UBTD2: variants seen among roughly 807,000 people sequenced by gnomAD.
UBTD2 encodes the protein ubiquitin domain-containing protein 2.
A neutral mutation model predicts 19.8 loss-of-function variants in UBTD2; 9 were observed. That is an observed-to-expected ratio of 0.46 (90% confidence interval 0.27 to 0.79). UBTD2 has a LOEUF of 0.79. UBTD2 is among the 30% of genes least tolerant of loss of function. The probability of loss-of-function intolerance (pLI) is 0.14; values close to 1 mark genes in which losing one functional copy is unlikely to be tolerated. For synonymous variants in UBTD2, 98 were observed against 103.9 expected, an observed-to-expected ratio of 0.94 and a Z score of 0.35; for missense variants, 250 against 300.4, an observed-to-expected ratio of 0.83 and a Z score of 1.24.
At chr5:172,217,224 T>C (rs1051341952) in intron 2 of UBTD2, among the ~76,000 whole-genome samples, 3 of 150,516 alleles carry the variant, frequency 2.0e-5, no homozygotes, top group African/African-American at 7.3e-5. Context: ...TCAGCCTGCC[T>C]AACACAGTGA....
At chr5:172,261,370 A>AC (rs1755267358) in intron 1 of UBTD2, among the ~76,000 whole-genome samples, 1 of 152,182 alleles carries the variant, frequency 6.6e-6, no homozygotes, top group Admixed American at 6.5e-5. Context: ...TAATCTTTCT[A>AC]CAGATTAAAC....
chr5:172,272,940 G>A lies in UBTD2; in HGVS notation c.70+10656C>T, dbSNP rs148746800. Reference sequence around the variant, plus strand: ...CTAAAAATACAAAAATTAGCTGGGCGTAGTCGCACACCTGTAGTCCCAGCT... The same window carrying A: ...CTAAAAATACAAAAATTAGCTGGGCATAGTCGCACACCTGTAGTCCCAGCT... On this transcript the variant is annotated intron_variant, in intron 1 of 2. Transcript: ENST00000393792. 3.4e-3 allele frequency among the ~76,000 whole-genome samples: 513 copies of A among 152,170 alleles called. 2 individuals are homozygous for A. The highest frequency in any genetic ancestry group is 0.011 in the African/African-American group (468 of 41,518).
intron 2 of UBTD2, among the ~76,000 whole-genome samples, chr5:172,224,313 T>C (rs1771718324): frequency 6.6e-6 from 1 of 150,386 alleles, no homozygotes; most frequent in Non-Finnish European, 1.5e-5. Context: ...TTTTTTTTTT[T>C]TTTTGAGACA....
chr5:172,266,837 A>G (rs1755389019), intron 1 of UBTD2, among the ~76,000 whole-genome samples: 1 of 152,164 alleles, frequency 6.6e-6, no homozygotes, highest in African/African-American at 2.4e-5. Context: ...CAGGATTTCA[A>G]GATCAGCCTG....
intron 1 of UBTD2, among the ~76,000 whole-genome samples, chr5:172,245,969 A>G (rs923118876): frequency 2.6e-5 from 4 of 152,242 alleles, no homozygotes; most frequent in Non-Finnish European, 4.4e-5. Context: ...CAAAATGTCC[A>G]GGATGTAATC....
chr5:172,225,940 T>TC (rs1771754489), intron 2 of UBTD2, among the ~76,000 whole-genome samples: 1 of 95,848 alleles, frequency 1.0e-5, no homozygotes. Flanking sequence ...ACTCTTTTTT[T>TC]TTTTTTTTTT....
At chr5:172,220,703 T>C (rs1399422937) in intron 2 of UBTD2, among the ~76,000 whole-genome samples, 2 of 152,138 alleles carry the variant, frequency 1.3e-5, no homozygotes, top group Non-Finnish European at 2.9e-5. Context: ...TCCTACTAAT[T>C]TGGGAACAAG....
intron 2 of UBTD2, among the ~76,000 whole-genome samples, chr5:172,229,560 G>A (rs1016555036): frequency 6.7e-6 from 1 of 149,990 alleles, no homozygotes; most frequent in East Asian, 1.9e-4. Context: ...GCTGGGATAT[G>A]GAAAACATGT....
chr5:172,223,116 T>C (rs1475305778), intron 2 of UBTD2, among the ~76,000 whole-genome samples: 4 of 152,178 alleles, frequency 2.6e-5, no homozygotes, highest in Admixed American at 2.0e-4. Flanking sequence ...AAGAATCATG[T>C]AACTGGAAAC....
chr5:172,228,361 T>G (rs1200203879), intron 2 of UBTD2, among the ~76,000 whole-genome samples: 1 of 152,152 alleles, frequency 6.6e-6, no homozygotes, highest in Non-Finnish European at 1.5e-5. Context: ...GTGCTTCAGT[T>G]TTCTGATCTG....
At chr5:172,255,771 G>T (rs1424339906) in intron 1 of UBTD2, among the ~76,000 whole-genome samples, 2 of 152,140 alleles carry the variant, frequency 1.3e-5, no homozygotes, top group Non-Finnish European at 2.9e-5. Flanking sequence ...GGGAGGGTCA[G>T]GGCTGAATTC....
At chr5:172,254,033 G>A (rs1000569326) in intron 1 of UBTD2, among the ~76,000 whole-genome samples, 2 of 152,110 alleles carry the variant, frequency 1.3e-5, no homozygotes, top group East Asian at 1.9e-4. Flanking sequence ...GATTCAGACC[G>A]GCTGAATCAA....
chr5:172,274,669 GTTTTAGGA>G (rs1479699315), intron 1 of UBTD2, among the ~76,000 whole-genome samples: 1 of 152,160 alleles, frequency 6.6e-6, no homozygotes, highest in Non-Finnish European at 1.5e-5. Context: ...AGTCTACCTT[GTTTTAGGA>G]TATGAGTAAC....
intron 1 of UBTD2, among the ~76,000 whole-genome samples, chr5:172,244,589 C>A (rs1021395899): frequency 6.6e-6 from 1 of 151,928 alleles, no homozygotes; most frequent in Non-Finnish European, 1.5e-5. Context: ...TAAGCCACTG[C>A]GCCCGGCCCC....
intron 1 of UBTD2, among the ~76,000 whole-genome samples, chr5:172,255,669 G>A (rs528578745): frequency 1.7e-3 from 253 of 152,264 alleles, no homozygotes; most frequent in Non-Finnish European, 3.2e-3. Context: ...CTGGCTCCTG[G>A]CACCAACTCC....
At chr5:172,267,656 C>T (rs1755403502) in intron 1 of UBTD2, among the ~76,000 whole-genome samples, 1 of 152,178 alleles carries the variant, frequency 6.6e-6, no homozygotes, top group Non-Finnish European at 1.5e-5. Context: ...TTAAAATCTC[C>T]TACAGAACTT....
At chr5:172,248,246 C>T (rs917933954) in intron 1 of UBTD2, among the ~76,000 whole-genome samples, 3 of 152,078 alleles carry the variant, frequency 2.0e-5, no homozygotes, top group African/African-American at 4.8e-5. Flanking sequence ...AACTTCATGC[C>T]TCAAGGAACC....
intron 1 of UBTD2, among the ~76,000 whole-genome samples, chr5:172,258,248 A>C (rs1755198959): frequency 6.6e-6 from 1 of 152,164 alleles, no homozygotes; most frequent in Non-Finnish European, 1.5e-5. Context: ...CCATTTATTG[A>C]ATAGGGAGTC....
At chr5:172,277,704 A>T (rs1269039011) in intron 1 of UBTD2, among the ~76,000 whole-genome samples, 1 of 151,914 alleles carries the variant, frequency 6.6e-6, no homozygotes, top group East Asian at 1.9e-4. Context: ...AGACTCTATT[A>T]AAAAACAACA....
Sources: allele counts gnomAD v4.1 joint callset (sites outside exome capture counted in the v4.1 genomes callset), GRCh38; gene constraint gnomAD v4.1.1; transcripts MANE v1.5; gene names NCBI Gene and HGNC (gene_info 2026-07-23, HGNC 2026-07-21).